ATE1: variants seen among roughly 807,000 people sequenced by gnomAD.
The protein encoded by ATE1 is arginyl-tRNA--protein transferase 1.
Under a neutral mutation model 70.5 loss-of-function variants are expected in ATE1, and 36 were observed. That is an observed-to-expected ratio of 0.51 (90% confidence interval 0.39 to 0.67). ATE1 has a LOEUF of 0.67. ATE1 is among the 30% of genes least tolerant of loss of function. ATE1 has a pLI of 0.00. For synonymous variants in ATE1, 232 were observed against 219.3 expected (o/e 1.06, Z -0.51); for missense variants, 593 against 629.5 (o/e 0.94, Z 0.62).
intron 11 of ATE1, among the ~76,000 whole-genome samples, chr10:121,744,226 T>C (rs893631127): frequency 2.6e-5 from 4 of 152,144 alleles, no homozygotes; most frequent in Admixed American, 2.0e-4. Context: ...CCAGCCTTCA[T>C]TTCTTAATTT....
chr10:121,874,604 T>C (rs1202724037), intron 7 of ATE1, among the ~76,000 whole-genome samples: 1 of 152,212 alleles, frequency 6.6e-6, no homozygotes, highest in Non-Finnish European at 1.5e-5. Context: ...CATTTTTTTA[T>C]AGCTATTCTC....
At chr10:121,763,157 T>C (rs1945125890) in intron 11 of ATE1, among the ~76,000 whole-genome samples, 1 of 152,206 alleles carries the variant, frequency 6.6e-6, no homozygotes, top group South Asian at 2.1e-4. Context: ...GGGTATGGTT[T>C]ATGATAGCAA....
Position 121,910,896 on chromosome 10 carries a change from T to C in ATE1, c.583+10A>G. ...CGTGAATATGACTTGGTATCAAAAA[T>C]CTTTACTACCTGGCTTAGGAACTGT... On this transcript the variant is annotated intron_variant, in intron 5 of 11. Transcript: ENST00000224652. 1 of 1,612,752 alleles carries C rather than the reference T, an allele frequency of 6.2e-7. No individual in the cohort carries two copies. Among genetic ancestry groups the C allele is most frequent in the South Asian group, 1.1e-5 (1 of 90,484 alleles).
chr10:121,856,705 T>C (rs1053854922), intron 8 of ATE1, among the ~76,000 whole-genome samples: 1 of 152,238 alleles, frequency 6.6e-6, no homozygotes, highest in Admixed American at 6.5e-5. Flanking sequence ...ATGCAATATA[T>C]ATACGTTGAT....
chr10:121,893,885 C>T (rs566632964), intron 7 of ATE1, among the ~76,000 whole-genome samples: 21 of 152,176 alleles, frequency 1.4e-4, no homozygotes, highest in African/African-American at 4.3e-4. Flanking sequence ...TGCCTGTAAT[C>T]CCAGCACTTT....
chr10:121,779,899 T>A (rs1466962779), intron 11 of ATE1, among the ~76,000 whole-genome samples: 1 of 152,238 alleles, frequency 6.6e-6, no homozygotes, highest in Non-Finnish European at 1.5e-5. Flanking sequence ...CACTGCTTCC[T>A]GCTTCTGGAA....
At chr10:121,924,357 C>T (rs368015805) in intron 1 of ATE1, 28 bp from the exon 2 acceptor site, 41 of 1,597,734 alleles carry the variant, frequency 2.6e-5, no homozygotes, top group Middle Eastern at 3.3e-4. Context: ...GTGTTAATTA[C>T]GGCAGGGTAA....
At chr10:121,900,297 G>A (rs531292374) in intron 6 of ATE1, among the ~76,000 whole-genome samples, 76 of 151,872 alleles carry the variant, frequency 5.0e-4, no homozygotes, top group Non-Finnish European at 9.1e-4. Flanking sequence ...GTACACACAC[G>A]ACACATACAC....
intron 8 of ATE1, among the ~76,000 whole-genome samples, chr10:121,862,121 G>A (rs1016885724): frequency 4.6e-5 from 7 of 152,084 alleles, no homozygotes; most frequent in East Asian, 1.9e-4. Flanking sequence ...CACTGCTCTC[G>A]AATTTGGGCC....
chr10:121,864,941 C>A (rs1174830213), intron 8 of ATE1, among the ~76,000 whole-genome samples: 1 of 152,142 alleles, frequency 6.6e-6, no homozygotes, highest in Non-Finnish European at 1.5e-5. Flanking sequence ...AATTATCCAG[C>A]CCACCATGCT....
intron 3 of ATE1, among the ~76,000 whole-genome samples, chr10:121,914,286 C>CA (rs1024069688): frequency 6.6e-6 from 1 of 152,026 alleles, no homozygotes; most frequent in Non-Finnish European, 1.5e-5. Flanking sequence ...AGGCTGGTCT[C>CA]AAACTCCTGA....
chr10:121,832,691 T>C (rs1409348531), intron 10 of ATE1, among the ~76,000 whole-genome samples: 1 of 152,236 alleles, frequency 6.6e-6, no homozygotes, highest in Non-Finnish European at 1.5e-5. Context: ...TCCAGCCATG[T>C]GGAGTTGTAA....
intron 9 of ATE1, among the ~76,000 whole-genome samples, chr10:121,837,584 G>A (rs1948475568): frequency 1.3e-5 from 2 of 152,194 alleles, no homozygotes; most frequent in South Asian, 2.1e-4. Flanking sequence ...TTTGTTTCTT[G>A]AAGGTATTCT....
intron 5 of ATE1, among the ~76,000 whole-genome samples, chr10:121,907,434 C>T (rs1951240533): frequency 6.6e-6 from 1 of 151,498 alleles, no homozygotes; most frequent in African/African-American, 2.4e-5. Context: ...CATTGCACTC[C>T]AGCCTGGGCA....
intron 8 of ATE1, among the ~76,000 whole-genome samples, chr10:121,869,389 A>G (rs1238813412): frequency 6.6e-6 from 1 of 152,240 alleles, no homozygotes; most frequent in Non-Finnish European, 1.5e-5. Flanking sequence ...AATGCAGCTC[A>G]TAACGATATC....
rs187222522 is a variant in ATE1, at chr10:121,800,195, C to T, written c.1258-9906G>A. On this transcript the variant is annotated intron_variant, in intron 10 of 11. Transcript: ENST00000224652. ...ATACTATTTTTTAAGTTTAAACATGCAAATGAGAAATTATTTCTTTAATTA... is the reference window on the plus strand; with the variant it reads ...ATACTATTTTTTAAGTTTAAACATGTAAATGAGAAATTATTTCTTTAATTA... Among the ~76,000 whole-genome samples the T allele has an allele frequency of 1.9e-3, 283 of 152,132 alleles. 1 individual carries two copies. The highest frequency in any genetic ancestry group is 1.8e-3 in the Non-Finnish European group (119 of 67,978).
At chr10:121,918,827 G>A (rs950037055) in intron 3 of ATE1, among the ~76,000 whole-genome samples, 1 of 151,994 alleles carries the variant, frequency 6.6e-6, no homozygotes, top group Non-Finnish European at 1.5e-5. Flanking sequence ...GGGGGGACGT[G>A]AAGAACTTTT....
chr10:121,908,012 A>G (rs1951269968), intron 5 of ATE1, among the ~76,000 whole-genome samples: 1 of 152,158 alleles, frequency 6.6e-6, no homozygotes, highest in South Asian at 2.1e-4. Context: ...CATGCCAAAT[A>G]GTAAGGAAGC....
intron 11 of ATE1, among the ~76,000 whole-genome samples, chr10:121,772,033 G>T (rs1274148272): frequency 6.6e-6 from 1 of 152,108 alleles, no homozygotes; most frequent in East Asian, 1.9e-4. Context: ...TTTATAAGTG[G>T]ACAGCCTTCC....
Sources: gnomAD v4.1 joint callset for allele counts (sites outside exome capture counted in the v4.1 genomes callset) on GRCh38, gnomAD v4.1.1 for gene constraint, MANE v1.5 for transcripts, NCBI Gene and HGNC (gene_info 2026-07-23, HGNC 2026-07-21) for gene names.